Variants in MICAL3 observed in about 807,000 individuals in gnomAD.
The protein encoded by MICAL3 is [F-actin]-monooxygenase MICAL3.
MICAL3 carries 62 observed loss-of-function variants against 207.4 expected under a neutral mutation model. The observed-to-expected ratio is 0.30, with a 90% CI of 0.24 to 0.37. MICAL3 has a LOEUF of 0.37. Among genes scored for constraint, MICAL3 ranks in the 10% least tolerant of loss-of-function variants. The pLI is 1.00. For synonymous variants in MICAL3, 1,077 were observed against 1,069.3 expected, an observed-to-expected ratio of 1.01 and a Z score of -0.14; for missense variants, 2,368 against 2,635.6, an observed-to-expected ratio of 0.90 and a Z score of 2.22.
intron 1 of MICAL3, chr22:17,983,402 G>A (rs947894177): frequency 6.6e-6 from 1 of 152,100 alleles, no homozygotes; most frequent in African/African-American, 2.4e-5. Flanking sequence ...ACAGGACTAT[G>A]GGCACACTCA....
In MICAL3 at chr22:17,791,195, C is replaced by T. The variant is rs1202543919; in HGVS notation, c.5750+7G>A. The T allele has an allele frequency of 1.9e-6, 3 of 1,613,288 alleles. No homozygotes were observed. Among genetic ancestry groups the T allele is most frequent in the Non-Finnish European group, 2.5e-6 (3 of 1,179,676 alleles). Reference sequence around the variant, plus strand: ...AGCGCTGACGCCCCCTACCCAAGGCCACTCACAAGATCATCAGCTCCGACT... The same window carrying T: ...AGCGCTGACGCCCCCTACCCAAGGCTACTCACAAGATCATCAGCTCCGACT... On this transcript the variant is annotated splice_region_variant and intron_variant, in intron 30 of 31. Coordinates refer to ENST00000441493, the MANE Select transcript of MICAL3 (RefSeq NM_015241.3).
chr22:17,825,867 G>C (rs576004589), intron 22 of MICAL3, among the ~76,000 whole-genome samples: 1 of 152,166 alleles, frequency 6.6e-6, no homozygotes, highest in Non-Finnish European at 1.5e-5. Flanking sequence ...GAAACATGTA[G>C]GAAGGACAAC....
chr22:17,818,596 C>A lies in MICAL3; in HGVS notation c.4065G>T (p.Thr1355=). 6.2e-7 allele frequency: 1 copy of A among 1,613,562 alleles called. No homozygotes were observed. Among genetic ancestry groups the A allele is most frequent in the Middle Eastern group, 1.6e-4 (1 of 6,062 alleles). Residue 1355 remains threonine, a synonymous_variant, in exon 26 of 32, where the codon ACG becomes ACT. Transcript: ENST00000441493. ...RSKGPEPSFP[T]PAFRPVSLKS... The stretch of plus-strand genomic sequence containing the variant: ...TGAGGGACACTGGCCTGAAGGCAGG[C>A]GTGGGGAAGCTGGGCTCGGGCCCCT...
intron 13 of MICAL3, among the ~76,000 whole-genome samples, chr22:17,888,680 C>A (rs1236028491): frequency 2.0e-5 from 3 of 152,118 alleles, no homozygotes; most frequent in Non-Finnish European, 4.4e-5. Flanking sequence ...TAACCCGTTA[C>A]AAAGTTTGGG....
chr22:17,895,377 G>T lies in MICAL3; in HGVS notation c.1356C>A (p.Thr452=), dbSNP rs1569121236. The T allele has an allele frequency of 6.8e-6, 11 of 1,613,554 alleles. No homozygotes were observed. The highest frequency in any genetic ancestry group is 1.7e-5 in the Admixed American group (1 of 59,966). ...ESIYRLLPQT[T]PENVSKNFSQ... ...TGAAGTTCTTACTCACATTCTCAGG[G>T]GTGGTCTGAGGCAGCAACCTGTAAA... Residue 452 remains threonine, a synonymous_variant, in exon 10 of 32, where the codon ACC becomes ACA. Coordinates refer to ENST00000441493, the MANE Select transcript of MICAL3 (RefSeq NM_015241.3).
intron 1 of MICAL3, among the ~76,000 whole-genome samples, chr22:17,968,026 A>G (rs1425684876): frequency 6.6e-6 from 1 of 151,308 alleles, no homozygotes; most frequent in Non-Finnish European, 1.5e-5. Flanking sequence ...TGGATGACAG[A>G]GTGAGACTCC....
At chr22:17,920,108 C>A (rs190247172) in intron 1 of MICAL3, among the ~76,000 whole-genome samples, 48 of 152,360 alleles carry the variant, frequency 3.2e-4, no homozygotes, top group African/African-American at 1.1e-3. Context: ...AGGGTTACTG[C>A]GCATTTCATA....
At chr22:17,868,400 A>G (rs2146153819) in intron 17 of MICAL3, among the ~76,000 whole-genome samples, 1 of 152,080 alleles carries the variant, frequency 6.6e-6, no homozygotes, top group South Asian at 2.1e-4. Flanking sequence ...CTATCAACTC[A>G]TTTAATCCCC....
At chr22:17,822,227 T>C (rs1046292376) in intron 23 of MICAL3, 57 bp from the exon 24 acceptor site, 15 of 1,571,750 alleles carry the variant, frequency 9.5e-6, no homozygotes, top group Non-Finnish European at 1.1e-5. Flanking sequence ...CAACTCCTTT[T>C]CCACCTGAGA....
intron 19 of MICAL3, among the ~76,000 whole-genome samples, chr22:17,847,051 C>A (rs1325334838): frequency 1.3e-5 from 2 of 152,202 alleles, no homozygotes; most frequent in Non-Finnish European, 2.9e-5. Flanking sequence ...TTGCTTCCAC[C>A]TGACTCCTGG....
chr22:17,877,610 T>TGGAGGTTAGGGAGGTTAGGGAGGTGA (rs1928988036), intron 16 of MICAL3, among the ~76,000 whole-genome samples: 1 of 149,532 alleles, frequency 6.7e-6, no homozygotes, highest in African/African-American at 2.5e-5. Context: ...TTATGGAGGA[T>TGGAGGTTAGGGAGGTTAGGGAGGTGA]GGCAGCAGAG....
Position 17,791,314 on chromosome 22 carries a change from C to A in MICAL3, c.5651-13G>T, listed in dbSNP as rs377226483. ...TTCTTGCCCATGCCTGCCGAGAGAA[C>A]GCTTGTGTCGGGTGCAGGGAGTGCC... On this transcript the variant is annotated splice_polypyrimidine_tract_variant and intron_variant, in intron 29 of 31. Coordinates refer to ENST00000441493, the MANE Select transcript of MICAL3 (RefSeq NM_015241.3). 1.1e-4 allele frequency: 173 copies of A among 1,608,612 alleles called. No homozygotes were observed. Among genetic ancestry groups the A allele is most frequent in the Non-Finnish European group, 1.4e-4 (166 of 1,176,838 alleles).
Position 17,822,647 on chromosome 22 carries a change from G to T in MICAL3, c.3307+300C>A, listed in dbSNP as rs117281908. Among the ~76,000 whole-genome samples, 909 of 152,304 alleles carry T rather than the reference G, an allele frequency of 6.0e-3. 7 individuals carry two copies. Among genetic ancestry groups the T allele is most frequent in the Admixed American group, 0.011 (170 of 15,304 alleles). ...CCTCAGCCCCCCACAACCAGACTGC[G>T]ATGCAGAACCCATCTCCAGGTATGT... On this transcript the variant is annotated intron_variant, in intron 23 of 31. Transcript: ENST00000441493.
chr22:17,950,751 CG>C (rs1569144196), intron 1 of MICAL3, among the ~76,000 whole-genome samples: 1 of 152,120 alleles, frequency 6.6e-6, no homozygotes, highest in East Asian at 1.9e-4. Flanking sequence ...AGAATGAGTT[CG>C]GGGGAGGGAA....
chr22:17,982,497 G>A (rs1338405413), intron 1 of MICAL3, among the ~76,000 whole-genome samples: 1 of 151,972 alleles, frequency 6.6e-6, no homozygotes, highest in East Asian at 1.9e-4. Context: ...ATGGTGAAAC[G>A]CCATCTCTAC....
intron 1 of MICAL3, among the ~76,000 whole-genome samples, chr22:18,020,613 T>TTAAAAAA (rs1556566844): frequency 1.7e-5 from 2 of 119,758 alleles, no homozygotes; most frequent in African/African-American, 6.6e-5. Flanking sequence ...CTTTAAAAAG[T>TTAAAAAA]AAAAAAAAAA....
intron 1 of MICAL3, among the ~76,000 whole-genome samples, chr22:17,967,192 C>T (rs1052889854): frequency 5.3e-5 from 8 of 152,280 alleles, no homozygotes; most frequent in African/African-American, 1.9e-4. Context: ...CCTGGCATAA[C>T]TACTCGTTTT....
At chr22:17,835,111 G>A (rs550284335) in intron 20 of MICAL3, among the ~76,000 whole-genome samples, 108 of 152,386 alleles carry the variant, frequency 7.1e-4, no homozygotes, top group Admixed American at 2.0e-3. Flanking sequence ...TAGATGCCCC[G>A]AGATGAGGCC....
chr22:17,947,115 C>G (rs1934109779), intron 1 of MICAL3, among the ~76,000 whole-genome samples: 1 of 152,232 alleles, frequency 6.6e-6, no homozygotes, highest in Admixed American at 6.5e-5. Context: ...CATCTAAGAT[C>G]AGAGCCGGGC....
Sources: allele counts gnomAD v4.1 joint callset (sites outside exome capture counted in the v4.1 genomes callset), GRCh38; gene constraint gnomAD v4.1.1; transcripts MANE v1.5; gene names NCBI Gene and HGNC (gene_info 2026-07-23, HGNC 2026-07-21).